Variants in LMBR1 observed in about 807,000 individuals in gnomAD.
LMBR1 encodes limb development membrane protein 1.
In LMBR1, 52 loss-of-function variants were observed where a neutral mutation model predicts 73.9. That is an observed-to-expected ratio of 0.70 (90% CI 0.56 to 0.89). LMBR1 has a LOEUF of 0.89. LMBR1 is among the 40% of genes least tolerant of loss of function. LMBR1 has a pLI of 0.00. For synonymous variants in LMBR1, 215 were observed against 209.4 expected (o/e 1.03, Z -0.23); for missense variants, 539 against 579.8 (o/e 0.93, Z 0.72).
chr7:156,674,788 C>T (rs556655364), downstream of LMBR1, among the ~76,000 whole-genome samples: 3 of 152,284 alleles, frequency 2.0e-5, no homozygotes, highest in South Asian at 6.2e-4. Context: ...ATTAATTTCA[C>T]CTTTTAAAAA....
intron 1 of LMBR1, among the ~76,000 whole-genome samples, chr7:156,890,404 G>A (rs1802691141): frequency 1.3e-5 from 2 of 152,140 alleles, no homozygotes; most frequent in South Asian, 4.1e-4. Flanking sequence ...CACAGAGTGG[G>A]AAAGAAATAT....
chr7:156,741,418 C>T (rs1818869803), intron 9 of LMBR1, among the ~76,000 whole-genome samples: 1 of 152,082 alleles, frequency 6.6e-6, no homozygotes, highest in African/African-American at 2.4e-5. Flanking sequence ...TACACGTTAC[C>T]TATACAGATA....
intron 9 of LMBR1, among the ~76,000 whole-genome samples, chr7:156,736,165 C>G (rs1314840592): frequency 1.3e-5 from 2 of 152,144 alleles, no homozygotes; most frequent in East Asian, 3.9e-4. Context: ...TCTTGGAGAG[C>G]CGTGAACTTT....
At chr7:156,879,989 A>G (rs533788955) in intron 1 of LMBR1, among the ~76,000 whole-genome samples, 164 of 152,372 alleles carry the variant, frequency 1.1e-3, no homozygotes, top group Non-Finnish European at 1.9e-3. Flanking sequence ...ATCCAGCAAT[A>G]CCACTACTGG....
At chr7:156,674,708 G>C (rs1414090232), downstream of LMBR1, among the ~76,000 whole-genome samples, 1 of 152,104 alleles carries the variant, frequency 6.6e-6, no homozygotes. Flanking sequence ...AAAAAACAAA[G>C]TACTGTATTC....
intron 15 of LMBR1, among the ~76,000 whole-genome samples, chr7:156,723,415 T>C (rs1473177200): frequency 1.3e-5 from 2 of 152,144 alleles, no homozygotes; most frequent in African/African-American, 4.8e-5. Context: ...GAGAATTAGA[T>C]AGAAATGCTT....
chr7:156,810,687 C>T (rs1832941242), intron 4 of LMBR1, among the ~76,000 whole-genome samples: 2 of 152,106 alleles, frequency 1.3e-5, no homozygotes, highest in African/African-American at 4.8e-5. Context: ...GCCACCATGC[C>T]TGGCCCTGGG....
chr7:156,769,786 C>T (rs1824839474), intron 5 of LMBR1, among the ~76,000 whole-genome samples: 1 of 152,180 alleles, frequency 6.6e-6, no homozygotes, highest in African/African-American at 2.4e-5. Context: ...GAACAGTGAG[C>T]GTGGGGAATC....
chr7:156,709,896 A>ATTTTTTTTTTTTTTTTTTTT (rs34487923), intron 15 of LMBR1, among the ~76,000 whole-genome samples: 3 of 90,354 alleles, frequency 3.3e-5, no homozygotes, highest in Admixed American at 1.4e-4. Context: ...CAGAAGGTTG[A>ATTTTTTTTTTTTTTTTTTTT]TTTTTTTTTT....
intron 1 of LMBR1, among the ~76,000 whole-genome samples, chr7:156,870,566 CCA>C (rs1162372586): frequency 6.6e-6 from 1 of 152,002 alleles, no homozygotes; most frequent in Non-Finnish European, 1.5e-5. Context: ...GAGATCGAGA[CCA>C]CCCTGGCTAA....
chr7:156,837,654 A>G (rs1008716731), intron 1 of LMBR1, among the ~76,000 whole-genome samples: 1 of 152,218 alleles, frequency 6.6e-6, no homozygotes, highest in African/African-American at 2.4e-5. Flanking sequence ...TAAAAATTTA[A>G]CATACAAATG....
intron 16 of LMBR1, 112 bp from the exon 17 acceptor site, chr7:156,684,275 G>T: frequency 1.2e-6 from 1 of 838,184 alleles, no homozygotes. Context: ...TTGGAAAGCT[G>T]TGAGGTGCTG....
chr7:156,779,556 C>T lies in LMBR1; in HGVS notation c.424-15761G>A, dbSNP rs1826746235. 2 of 418,130 alleles carry T rather than the reference C, an allele frequency of 4.8e-6. No individual in the cohort carries two copies. The highest frequency in any genetic ancestry group is 3.0e-5 in the Admixed American group (1 of 32,920). 25.9% of individuals were successfully genotyped at this position (418,130 alleles called of 1,614,324 possible). A position where few individuals can be genotyped will look rare whatever the true frequency, so the allele number is the denominator to read the frequency against. On this transcript the variant is annotated intron_variant, in intron 5 of 16. Coordinates refer to ENST00000353442, the MANE Select transcript of LMBR1 (RefSeq NM_022458.4). Reference sequence around the variant, plus strand: ...TGGGAACTAAATGGATAGTCTACTACACTCAAATGGTTATGATATAATTGC... The same window carrying T: ...TGGGAACTAAATGGATAGTCTACTATACTCAAATGGTTATGATATAATTGC...
intron 15 of LMBR1, among the ~76,000 whole-genome samples, chr7:156,701,591 T>A (rs984901599): frequency 6.6e-6 from 1 of 152,240 alleles, no homozygotes; most frequent in Non-Finnish European, 1.5e-5. Context: ...CAACAGGAAC[T>A]CTCATTCTAT....
At chr7:156,810,042 A>G (rs999304004) in intron 4 of LMBR1, among the ~76,000 whole-genome samples, 30 of 152,084 alleles carry the variant, frequency 2.0e-4, no homozygotes, top group African/African-American at 7.2e-4. Context: ...ATTGCCATCA[A>G]GGAATACCTG....
chr7:156,711,773 G>C (rs1180523348), intron 15 of LMBR1, among the ~76,000 whole-genome samples: 1 of 152,106 alleles, frequency 6.6e-6, no homozygotes, highest in East Asian at 1.9e-4. Flanking sequence ...TTCAATAAAA[G>C]GTGCTGGTAA....
chr7:156,767,420 ATTTT>A (rs1270001885), intron 5 of LMBR1, among the ~76,000 whole-genome samples: 1 of 152,184 alleles, frequency 6.6e-6, no homozygotes, highest in South Asian at 2.1e-4. Context: ...TCATTTAATA[ATTTT>A]TTATTATCTT....
intron 15 of LMBR1, among the ~76,000 whole-genome samples, chr7:156,702,815 AT>A (rs1261543234): frequency 6.6e-6 from 1 of 152,260 alleles, no homozygotes; most frequent in Non-Finnish European, 1.5e-5. Context: ...ATGAATATCT[AT>A]AGAGAAGCTT....
chr7:156,802,226 A>G (rs573711828), intron 4 of LMBR1, among the ~76,000 whole-genome samples: 6 of 152,212 alleles, frequency 3.9e-5, no homozygotes, highest in Non-Finnish European at 8.8e-5. Flanking sequence ...CAGGTGATCC[A>G]CTCGCTTCGG....
Sources: allele counts gnomAD v4.1 joint callset (sites outside exome capture counted in the v4.1 genomes callset), GRCh38; gene constraint gnomAD v4.1.1; transcripts MANE v1.5; gene names NCBI Gene and HGNC (gene_info 2026-07-23, HGNC 2026-07-21).